Variants in P2RY14 observed in about 807,000 individuals in gnomAD.
P2RY14 encodes purinergic receptor P2Y14.
P2RY14 carries 2 observed loss-of-function variants against 0.9 expected under a neutral mutation model. The ratio of observed to expected loss-of-function variants is 2.16; its 90% confidence interval spans 0.88 to 6.79. P2RY14 has a LOEUF of 6.79. P2RY14 is among the 30% of genes most tolerant of loss of function. P2RY14 has a pLI of 0.05. For synonymous variants in P2RY14, 158 were observed against 147.2 expected (o/e 1.07, Z -0.53); for missense variants, 378 against 400.1 (o/e 0.94, Z 0.47).
intron 1 of P2RY14, among the ~76,000 whole-genome samples, chr3:151,238,545 T>C (rs1374873965): frequency 6.6e-6 from 1 of 152,232 alleles, no homozygotes; most frequent in African/African-American, 2.4e-5. Flanking sequence ...ATAAGAGTAC[T>C]AAGATGTTGC....
At chr3:151,258,889 A>G (rs931100866) in intron 1 of P2RY14, among the ~76,000 whole-genome samples, 1 of 150,736 alleles carries the variant, frequency 6.6e-6, no homozygotes, top group Non-Finnish European at 1.5e-5. Context: ...TCCCTACTCT[A>G]AGGTAGAGGA....
At chr3:151,256,381 A>G (rs543699778) in intron 1 of P2RY14, among the ~76,000 whole-genome samples, 1 of 152,198 alleles carries the variant, frequency 6.6e-6, no homozygotes, top group South Asian at 2.1e-4. Flanking sequence ...TCTGTGCTTT[A>G]CTCTGTGGTC....
rs562073339 is a variant in P2RY14, at chr3:151,213,213, A to T, written c.*87T>A. Reference sequence around the variant, plus strand: ...GGCAGTGCTAGAGATGATATTTATGATGAGGGCACATATCTTATTGATTTC... The same window carrying T: ...GGCAGTGCTAGAGATGATATTTATGTTGAGGGCACATATCTTATTGATTTC... On this transcript the variant is annotated 3_prime_UTR_variant, in exon 3 of 3. Transcript: ENST00000309170. 4 of 996,298 alleles carry T rather than the reference A, an allele frequency of 4.0e-6. No individual in the cohort carries two copies. In the South Asian group the frequency reaches 5.0e-5, roughly 12 times the overall value. The allele number at this position is 996,298 out of a possible 1,614,324, so 61.7% of individuals were successfully genotyped here.
intron 1 of P2RY14, among the ~76,000 whole-genome samples, chr3:151,277,485 A>AT (rs977026929): frequency 6.6e-6 from 1 of 151,940 alleles, no homozygotes; most frequent in Non-Finnish European, 1.5e-5. Flanking sequence ...CAAACTATTT[A>AT]TTTTTTTACT....
At chr3:151,271,520 G>A (rs1321420084) in intron 1 of P2RY14, among the ~76,000 whole-genome samples, 1 of 152,176 alleles carries the variant, frequency 6.6e-6, no homozygotes, top group Non-Finnish European at 1.5e-5. Flanking sequence ...CAGGAGAAGT[G>A]AAAGTGTATG....
chr3:151,257,099 C>T (rs1737963515), intron 1 of P2RY14, among the ~76,000 whole-genome samples: 2 of 152,010 alleles, frequency 1.3e-5, no homozygotes, highest in Admixed American at 1.3e-4. Flanking sequence ...AAAAGAAATG[C>T]TTATGAGAGA....
chr3:151,227,840 A>T (rs989196294), intron 1 of P2RY14, among the ~76,000 whole-genome samples: 1 of 152,054 alleles, frequency 6.6e-6, no homozygotes, highest in Non-Finnish European at 1.5e-5. Flanking sequence ...TTTCGGTTTC[A>T]GTTCTTTGTG....
At position 151,226,309 on chromosome 3, in the gene P2RY14, C is replaced by A. The variant is rs371759880; in HGVS notation, c.-132-6667G>T. On this transcript the variant is annotated intron_variant, in intron 1 of 2. Transcript: ENST00000309170. ...ATAGGAACAGGCATCAAGACTGACA[C>A]GAGAGGCTGTCACAGTGGGGGAAAA... 1.3e-4 allele frequency among the ~76,000 whole-genome samples: 20 copies of A among 152,276 alleles called. No homozygotes were observed. In the East Asian group the frequency reaches 3.7e-3, roughly 28 times the overall value.
chr3:151,273,764 CTG>C (rs1741405171), intron 1 of P2RY14, among the ~76,000 whole-genome samples: 1 of 152,136 alleles, frequency 6.6e-6, no homozygotes, highest in Non-Finnish European at 1.5e-5. Flanking sequence ...CACATAGGGA[CTG>C]GTTGTCTTCT....
Position 151,213,242 on chromosome 3 carries a change from T to C in P2RY14, c.*58A>G. On this transcript the variant is annotated 3_prime_UTR_variant, in exon 3 of 3. Coordinates refer to ENST00000309170, the MANE Select transcript of P2RY14 (RefSeq NM_014879.4). ...GGGCACATATCTTATTGATTTCTGTTATGTAATTGAAGATGACAACATGCA... is the reference window on the plus strand; with the variant it reads ...GGGCACATATCTTATTGATTTCTGTCATGTAATTGAAGATGACAACATGCA... 1 of 1,285,442 alleles carries C rather than the reference T, an allele frequency of 7.8e-7. No individual in the cohort carries two copies. Among genetic ancestry groups the C allele is most frequent in the South Asian group, 1.4e-5 (1 of 69,324 alleles). 79.6% of individuals were successfully genotyped at this position (1,285,442 alleles called of 1,614,324 possible).
intron 1 of P2RY14, among the ~76,000 whole-genome samples, chr3:151,265,479 C>T (rs999319400): frequency 6.6e-6 from 1 of 152,100 alleles, no homozygotes; most frequent in African/African-American, 2.4e-5. Flanking sequence ...AGAGCCTTTT[C>T]GAGTCTTTAT....
chr3:151,252,108 C>G (rs1348081578), intron 1 of P2RY14, among the ~76,000 whole-genome samples: 2 of 152,130 alleles, frequency 1.3e-5, no homozygotes, highest in Non-Finnish European at 2.9e-5. Flanking sequence ...TCCTGGACCA[C>G]CCATCCCCTC....
At chr3:151,243,100 G>A (rs1326991769) in intron 1 of P2RY14, among the ~76,000 whole-genome samples, 1 of 151,430 alleles carries the variant, frequency 6.6e-6, no homozygotes, top group Non-Finnish European at 1.5e-5. Flanking sequence ...AAGCCTCCAA[G>A]AAATATGGGG....
intron 1 of P2RY14, chr3:151,269,397 TCACACACACACACA>T (rs71801434): frequency 0.023 from 3,395 of 144,774 alleles, 125 homozygotes; most frequent in South Asian, 0.14. Flanking sequence ...TGAAACTCCA[TCACACACACACACA>T]CACACACACA....
intron 1 of P2RY14, among the ~76,000 whole-genome samples, chr3:151,233,625 C>T (rs572830995): frequency 5.9e-5 from 9 of 152,080 alleles, no homozygotes; most frequent in Non-Finnish European, 1.0e-4. Flanking sequence ...CCCAGCTACT[C>T]GGGAGGCTGA....
intron 1 of P2RY14, among the ~76,000 whole-genome samples, chr3:151,267,458 C>T (rs1740052561): frequency 6.6e-6 from 1 of 152,100 alleles, no homozygotes; most frequent in South Asian, 2.1e-4. Context: ...AATTCTAAGC[C>T]ACTATTGATT....
intron 1 of P2RY14, among the ~76,000 whole-genome samples, chr3:151,266,054 C>T (rs756869507): frequency 1.3e-5 from 2 of 152,188 alleles, no homozygotes; most frequent in Non-Finnish European, 2.9e-5. Flanking sequence ...TTCGACTTGG[C>T]AGTGTGCACA....
chr3:151,215,228 A>G (rs1727969560), intron 2 of P2RY14, among the ~76,000 whole-genome samples: 1 of 152,188 alleles, frequency 6.6e-6, no homozygotes, highest in South Asian at 2.1e-4. Context: ...CCCAAAGTAC[A>G]TTCTACATCT....
intron 2 of P2RY14, among the ~76,000 whole-genome samples, chr3:151,218,399 A>G (rs1017199121): frequency 6.6e-6 from 1 of 152,156 alleles, no homozygotes; most frequent in Non-Finnish European, 1.5e-5. Flanking sequence ...CAGTTTGTGT[A>G]GGTGTCTGTT....
Sources: allele counts gnomAD v4.1 joint callset (sites outside exome capture counted in the v4.1 genomes callset), GRCh38; gene constraint gnomAD v4.1.1; transcripts MANE v1.5; gene names NCBI Gene and HGNC (gene_info 2026-07-23, HGNC 2026-07-21).